Variants in FBXL19 observed in about 807,000 individuals in gnomAD.
The protein encoded by FBXL19 is F-box/LRR-repeat protein 19.
FBXL19 carries 16 observed loss-of-function variants against 71.2 expected under a neutral mutation model. That is an observed-to-expected ratio of 0.22 (90% confidence interval 0.15 to 0.34). The LOEUF is 0.34. Ranked by LOEUF, FBXL19 falls within the 10% of genes least tolerant of loss-of-function variation. FBXL19 has a pLI of 1.00. For synonymous variants in FBXL19, 447 were observed against 409.4 expected, an observed-to-expected ratio of 1.09 and a Z score of -1.11; for missense variants, 658 against 968.2, an observed-to-expected ratio of 0.68 and a Z score of 4.25.
chr16:30,947,911 G>A lies in FBXL19; in HGVS notation c.*681G>A. On this transcript the variant is annotated 3_prime_UTR_variant, in exon 11 of 11. Coordinates refer to ENST00000338343, the MANE Select transcript of FBXL19 (RefSeq NM_001382779.1). ...TCACTGAAAACGGCAGCTATTGCAA[G>A]GAGTGGGGGCCGCGGGCAGCCGCTC... The A allele has an allele frequency of 2.2e-6, 1 of 454,778 alleles. No homozygotes were observed. Among genetic ancestry groups the A allele is most frequent in the Non-Finnish European group, 4.4e-6 (1 of 226,086 alleles). 28.2% of individuals were successfully genotyped at this position (454,778 alleles called of 1,614,324 possible). A position where few individuals can be genotyped will look rare whatever the true frequency, so the allele number is the denominator to read the frequency against.
intron 1 of FBXL19, chr16:30,924,663 C>T (rs1424259572): frequency 7.8e-6 from 11 of 1,411,950 alleles, no homozygotes; most frequent in African/African-American, 4.5e-5. Context: ...TGAAAGCCCC[C>T]ACCCCCGCCT....
At position 30,924,452 on chromosome 16, in the gene FBXL19, C is replaced by T. The variant is rs1437031117; in HGVS notation, c.-32C>T. 7 of 361,218 alleles carry T rather than the reference C, an allele frequency of 1.9e-5. No homozygotes were observed. The highest frequency in any genetic ancestry group is 4.4e-5 in the East Asian group (1 of 22,750). 22.4% of individuals were successfully genotyped at this position (361,218 alleles called of 1,614,324 possible). On this transcript the variant is annotated 5_prime_UTR_variant, in exon 1 of 11. The change creates a new upstream start codon in the 5' untranslated region. Transcript: ENST00000338343. The stretch of plus-strand genomic sequence containing the variant: ...GAAGGGAGAGATGGCTCCCGGGACA[C>T]GTGTGAGGTGGGTTCATGCGGCTCC...
In FBXL19 at chr16:30,927,666, G is replaced by A. The variant is rs1437299634; in HGVS notation, c.408+7G>A. Reference sequence around the variant, plus strand: ...GGAAGGCCGCACCAGCAAGGTAGGGGCTGGGCTGGGCTGAGCTGTGGGTAG... The same window carrying A: ...GGAAGGCCGCACCAGCAAGGTAGGGACTGGGCTGGGCTGAGCTGTGGGTAG... On this transcript the variant is annotated splice_region_variant and intron_variant, in intron 4 of 10. Coordinates refer to ENST00000338343, the MANE Select transcript of FBXL19 (RefSeq NM_001382779.1). 1 of 1,563,286 alleles carries A rather than the reference G, an allele frequency of 6.4e-7. No individual in the cohort carries two copies. The highest frequency in any genetic ancestry group is 8.7e-7 in the Non-Finnish European group (1 of 1,154,032).
intron 7 of FBXL19, among the ~76,000 whole-genome samples, chr16:30,935,424 G>C (rs2055721377): frequency 6.6e-6 from 1 of 152,180 alleles, no homozygotes; most frequent in African/African-American, 2.4e-5. Context: ...GAACTGAAAG[G>C]GAAGTGATCC....
chr16:30,930,213 A>AGACTCC lies in FBXL19; in HGVS notation c.942_947dup (p.Asp315_Ser316dup), dbSNP rs773286265. The AGACTCC allele has an allele frequency of 1.3e-5, 21 of 1,613,026 alleles. No individual in the cohort carries two copies. The highest frequency in any genetic ancestry group is 2.7e-5 in the African/African-American group (2 of 74,958). On this transcript the variant is annotated inframe_insertion, in exon 7 of 11. Coordinates refer to ENST00000338343, the MANE Select transcript of FBXL19 (RefSeq NM_001382779.1). This position sits in a 1 kb window ranked among gnomAD's most constrained non-coding sequence, Gnocchi z 8.5. ...ACACCTCCTCTTCCTCCTCGGACTC[A>AGACTCC]GACTCCGACTCCGACTCTTCGGGCA...
In FBXL19 at chr16:30,947,464, A is replaced by C; in HGVS notation, c.*234A>C. ...GCCCCTGCTACCTGCTTCATTGTCC[A>C]TCCCCTGGGGGAGTGGGTCAGAGGT... On this transcript the variant is annotated 3_prime_UTR_variant, in exon 11 of 11. Coordinates refer to ENST00000338343, the MANE Select transcript of FBXL19 (RefSeq NM_001382779.1). 2 of 543,336 alleles carry C rather than the reference A, an allele frequency of 3.7e-6. No individual in the cohort carries two copies. Among genetic ancestry groups the C allele is most frequent in the Non-Finnish European group, 3.3e-6 (1 of 303,816 alleles). The allele number at this position is 543,336 out of a possible 1,614,324, so 33.7% of individuals were successfully genotyped here. A position where few individuals can be genotyped will look rare whatever the true frequency, so the allele number is the denominator to read the frequency against.
rs897904326 is a variant in FBXL19, at chr16:30,925,058, T to G, written c.-25+599T>G. Among the ~76,000 whole-genome samples the G allele has an allele frequency of 2.6e-5, 4 of 152,106 alleles. No individual in the cohort carries two copies. Among genetic ancestry groups the G allele is most frequent in the African/African-American group, 7.2e-5 (3 of 41,410 alleles). ...TGGGGAACAAGAGGGGCTGAGATCT[T>G]GGGCTGAGAAGGGTCTCTGAAGAAG... is the stretch of plus-strand genomic sequence containing the variant. On this transcript the variant is annotated intron_variant, in intron 1 of 10. Coordinates refer to ENST00000338343, the MANE Select transcript of FBXL19 (RefSeq NM_001382779.1). The surrounding 1 kb of genome is among the most constrained non-coding windows in gnomAD (Gnocchi z 5.0).
rs1457989178 is a variant in FBXL19 at position 30,930,993 on chromosome 16, G to A, written c.1301+409G>A. ...GTACTGCATTGTCACTTCTCATACTGCCACTTCCGAAAACAGTCTGACGAT... is the reference window on the plus strand; with the variant it reads ...GTACTGCATTGTCACTTCTCATACTACCACTTCCGAAAACAGTCTGACGAT... On this transcript the variant is annotated intron_variant, in intron 7 of 10. Coordinates refer to ENST00000338343, the MANE Select transcript of FBXL19 (RefSeq NM_001382779.1). The surrounding 1 kb of genome is among the most constrained non-coding windows in gnomAD (Gnocchi z 8.5). 6.6e-6 allele frequency among the ~76,000 whole-genome samples: 1 copy of A among 152,004 alleles called. No individual in the cohort carries two copies. The highest frequency in any genetic ancestry group is 1.9e-4 in the East Asian group (1 of 5,162).
Position 30,946,708 on chromosome 16 carries a change from G to A in FBXL19, c.1628-22G>A. On this transcript the variant is annotated intron_variant, in intron 9 of 10. Coordinates refer to ENST00000338343, the MANE Select transcript of FBXL19 (RefSeq NM_001382779.1). This position sits in a 1 kb window ranked among gnomAD's most constrained non-coding sequence, Gnocchi z 6.7. ...AGGGATGGGAGTGGCCAGGAGTGCT[G>A]ACCTCTCATCTGGCTGCCCAGGGCA... 2 of 1,603,780 alleles carry A rather than the reference G, an allele frequency of 1.2e-6. No homozygotes were observed. Among genetic ancestry groups the A allele is most frequent in the Non-Finnish European group, 1.7e-6 (2 of 1,176,014 alleles).
At chr16:30,927,206 G>A in intron 2 of FBXL19, 102 bp from the exon 3 acceptor site, 1 of 1,239,316 alleles carries the variant, frequency 8.1e-7, no homozygotes, top group Non-Finnish European at 1.1e-6. Context: ...TTGACCCGTG[G>A]GTGCTGCACC....
rs1247131025 is a variant in FBXL19 at position 30,946,563 on chromosome 16, A to G, written c.1628-167A>G. On this transcript the variant is annotated intron_variant, in intron 9 of 10. Transcript: ENST00000338343. The surrounding 1 kb of genome is among the most constrained non-coding windows in gnomAD (Gnocchi z 6.7). ...AGGCCTCCGAGGAGGTGATGTGAGG[A>G]GTGGACAGATGAGGTCAGGCCATGA... Among the ~76,000 whole-genome samples, 1 of 152,220 alleles carries G rather than the reference A, an allele frequency of 6.6e-6. No homozygotes were observed. Among genetic ancestry groups the G allele is most frequent in the Non-Finnish European group, 1.5e-5 (1 of 68,038 alleles).
rs1011721491 is a variant in FBXL19, at chr16:30,942,724, T to C, written c.1627+188T>C. Among the ~76,000 whole-genome samples the C allele has an allele frequency of 1.3e-5, 2 of 152,240 alleles. No homozygotes were observed. The highest frequency in any genetic ancestry group is 4.8e-5 in the African/African-American group (2 of 41,464). The stretch of plus-strand genomic sequence containing the variant: ...CACCCACCTGCTGTGTACTTTGAAC[T>C]GAGTCTTGAAAGGAACAGGGTTTTC... On this transcript the variant is annotated intron_variant, in intron 9 of 10. Coordinates refer to ENST00000338343, the MANE Select transcript of FBXL19 (RefSeq NM_001382779.1). This position sits in a 1 kb window ranked among gnomAD's most constrained non-coding sequence, Gnocchi z 5.7.
Position 30,942,567 on chromosome 16 carries a change from G to A in FBXL19, c.1627+31G>A, listed in dbSNP as rs1472218518. The A allele has an allele frequency of 8.4e-6, 13 of 1,544,780 alleles. No individual in the cohort carries two copies. Among genetic ancestry groups the A allele is most frequent in the Non-Finnish European group, 1.1e-5 (13 of 1,143,568 alleles). Reference sequence around the variant, plus strand: ...ACCTCTGTTTGCTTTTCTGGAGAATGGGCTGGGCAAGGGTAGGGTAGGAGG... The same window carrying A: ...ACCTCTGTTTGCTTTTCTGGAGAATAGGCTGGGCAAGGGTAGGGTAGGAGG... On this transcript the variant is annotated intron_variant, in intron 9 of 10. Coordinates refer to ENST00000338343, the MANE Select transcript of FBXL19 (RefSeq NM_001382779.1). This position sits in a 1 kb window ranked among gnomAD's most constrained non-coding sequence, Gnocchi z 5.7.
At chr16:30,938,036 T>A (rs1418646195) in intron 7 of FBXL19, among the ~76,000 whole-genome samples, 1 of 152,098 alleles carries the variant, frequency 6.6e-6, no homozygotes, top group Non-Finnish European at 1.5e-5. Context: ...GTTTTTTTCC[T>A]TTTCATGTTT....
Position 30,947,643 on chromosome 16 carries a change from G to T in FBXL19, c.*413G>T. ...GCGGGGCAGACAGCAGACCACCAAG[G>T]GTTCAGGGAACAAAGACCAGTTACT... On this transcript the variant is annotated 3_prime_UTR_variant, in exon 11 of 11. Coordinates refer to ENST00000338343, the MANE Select transcript of FBXL19 (RefSeq NM_001382779.1). The T allele has an allele frequency of 3.2e-6, 1 of 314,626 alleles. No homozygotes were observed. Among genetic ancestry groups the T allele is most frequent in the South Asian group, 2.4e-5 (1 of 41,396 alleles). 19.5% of individuals were successfully genotyped at this position (314,626 alleles called of 1,614,324 possible).
intron 10 of FBXL19, 35 bp from the exon 11 acceptor site, chr16:30,947,017 C>T (rs952194257): frequency 6.3e-7 from 1 of 1,577,470 alleles, no homozygotes; most frequent in African/African-American, 1.3e-5. Context: ...CCCTTGCTCA[C>T]CTGCCTGGTC....
At position 30,947,908 on chromosome 16, in the gene FBXL19, C is replaced by T. The variant is rs1359226772; in HGVS notation, c.*678C>T. ...ACGTCACTGAAAACGGCAGCTATTG[C>T]AAGGAGTGGGGGCCGCGGGCAGCCG... On this transcript the variant is annotated 3_prime_UTR_variant, in exon 11 of 11. Coordinates refer to ENST00000338343, the MANE Select transcript of FBXL19 (RefSeq NM_001382779.1). 3 of 454,740 alleles carry T rather than the reference C, an allele frequency of 6.6e-6. No individual in the cohort carries two copies. The highest frequency in any genetic ancestry group is 1.3e-5 in the Non-Finnish European group (3 of 226,000). The allele number at this position is 454,740 out of a possible 1,614,324, so 28.2% of individuals were successfully genotyped here.
chr16:30,930,498 C>G lies in FBXL19; in HGVS notation c.1215C>G (p.Pro405=). The change falls in exon 7 of 11, where the codon CCC becomes CCG. Residue 405 remains proline (P), a synonymous_variant. Transcript: ENST00000338343. This position sits in a 1 kb window ranked among gnomAD's most constrained non-coding sequence, Gnocchi z 8.5. Reference sequence around the variant, plus strand: ...CTGCTGGATCCGACCACCCCCTGCCCCGGGCCGCCTGGCTTCGCGTCTTCC... The same window carrying G: ...CTGCTGGATCCGACCACCCCCTGCCGCGGGCCGCCTGGCTTCGCGTCTTCC... ...PLAAGSDHPL[P]RAAWLRVFQH... 1 of 1,531,188 alleles carries G rather than the reference C, an allele frequency of 6.5e-7. No individual in the cohort carries two copies. Among genetic ancestry groups the G allele is most frequent in the Non-Finnish European group, 8.7e-7 (1 of 1,144,766 alleles). The allele number at this position is 1,531,188 out of a possible 1,614,324, so 94.9% of individuals were successfully genotyped here. A position where few individuals can be genotyped will look rare whatever the true frequency, so the allele number is the denominator to read the frequency against.
chr16:30,938,728 C>T (rs2055765280), intron 7 of FBXL19, among the ~76,000 whole-genome samples: 1 of 152,202 alleles, frequency 6.6e-6, no homozygotes, highest in East Asian at 1.9e-4. Context: ...GCTCCGCCTC[C>T]TGGGTTCACG....
Sources: gnomAD v4.1 joint callset for allele counts (sites outside exome capture counted in the v4.1 genomes callset) on GRCh38, gnomAD v4.1.1 for gene constraint, Gnocchi (gnomAD v3.1) non-coding constraint, MANE v1.5 for transcripts, NCBI Gene and HGNC (gene_info 2026-07-23, HGNC 2026-07-21) for gene names.